MCTP1: variants seen among roughly 807,000 people sequenced by gnomAD.
MCTP1 encodes multiple C2 and transmembrane domain-containing protein 1.
In MCTP1, 69 loss-of-function variants were observed where a neutral mutation model predicts 120.6. The observed-to-expected ratio is 0.57, with a 90% confidence interval of 0.47 to 0.70. The LOEUF (loss-of-function observed/expected upper bound fraction) is 0.70. Ranked by LOEUF, MCTP1 falls within the 30% of genes least tolerant of loss-of-function variation. The pLI, the probability that MCTP1 is intolerant of heterozygous loss-of-function variation, is 0.00. For synonymous variants in MCTP1, 529 were observed against 493.1 expected (o/e 1.07, Z -0.96); for missense variants, 1,203 against 1,248.8 (o/e 0.96, Z 0.55).
At position 95,265,718 on chromosome 5, in the gene MCTP1, C is replaced by T. The variant is rs142653768; in HGVS notation, c.720+18138G>A. On this transcript the variant is annotated intron_variant, in intron 1 of 22. Transcript: ENST00000515393. ...TTTTATTTACTTAAAAGTGGAATGT[C>T]TGTGCTACCTGGTAGTGACATTTAT... is the stretch of plus-strand genomic sequence containing the variant. Among the ~76,000 whole-genome samples, 959 of 152,326 alleles carry T rather than the reference C, an allele frequency of 6.3e-3. 5 individuals are homozygous for T. Among genetic ancestry groups the T allele is most frequent in the Non-Finnish European group, 0.011 (716 of 68,038 alleles).
intron 2 of MCTP1, among the ~76,000 whole-genome samples, chr5:94,973,971 T>TTTACATAATGACCTTA (rs1181319334): frequency 1.3e-5 from 2 of 152,096 alleles, no homozygotes; most frequent in Admixed American, 1.3e-4. Context: ...CTTAAGGTCA[T>TTTACATAATGACCTTA]TGTGAGGGTT....
chr5:94,920,634 C>A (rs1292535765), intron 7 of MCTP1, among the ~76,000 whole-genome samples: 1 of 151,644 alleles, frequency 6.6e-6, no homozygotes, highest in Non-Finnish European at 1.5e-5. Flanking sequence ...CCCAGCTACT[C>A]GGGAGGCTGA....
chr5:94,969,303 C>A (rs1320966032), intron 2 of MCTP1, among the ~76,000 whole-genome samples: 8 of 152,032 alleles, frequency 5.3e-5, no homozygotes, highest in Admixed American at 2.6e-4. Flanking sequence ...TGAATGTGTC[C>A]ATTTTTATGT....
intron 1 of MCTP1, among the ~76,000 whole-genome samples, chr5:95,272,791 G>A (rs775713035): frequency 2.6e-5 from 4 of 152,212 alleles, no homozygotes; most frequent in Non-Finnish European, 4.4e-5. Context: ...CAGCCTGAGT[G>A]TAGAACATTT....
At chr5:94,739,165 T>C (rs200695258) in intron 19 of MCTP1, 4 of 152,342 alleles carry the variant, frequency 2.6e-5, no homozygotes, top group East Asian at 3.9e-4. Context: ...TATTTGCAGG[T>C]TGGTTGTGAT....
At chr5:95,095,959 G>C (rs1421835417) in intron 1 of MCTP1, among the ~76,000 whole-genome samples, 1 of 152,162 alleles carries the variant, frequency 6.6e-6, no homozygotes, top group African/African-American at 2.4e-5. Context: ...AGACCTCCAA[G>C]GAGATGGCTG....
chr5:95,225,990 T>C (rs553202138), intron 1 of MCTP1, among the ~76,000 whole-genome samples: 1 of 152,276 alleles, frequency 6.6e-6, no homozygotes, highest in African/African-American at 2.4e-5. Context: ...AAGTATATCA[T>C]CTCTAATTTT....
chr5:94,886,049 G>GA (rs1367051899), intron 12 of MCTP1, among the ~76,000 whole-genome samples: 2 of 152,090 alleles, frequency 1.3e-5, no homozygotes, highest in African/African-American at 2.4e-5. Flanking sequence ...TGAGACCGAA[G>GA]AAAAAACTAC....
chr5:94,993,013 T>C (rs1332413132), intron 2 of MCTP1, among the ~76,000 whole-genome samples: 2 of 152,236 alleles, frequency 1.3e-5, no homozygotes, highest in African/African-American at 4.8e-5. Context: ...ATTTTAGTTA[T>C]TCTTATAACT....
intron 17 of MCTP1, among the ~76,000 whole-genome samples, chr5:94,852,059 A>G (rs1336050664): frequency 1.3e-5 from 2 of 151,906 alleles, no homozygotes; most frequent in African/African-American, 4.8e-5. Flanking sequence ...TAAATTGTTC[A>G]GCCAAAATTT....
chr5:95,077,136 G>C (rs1458007861), intron 1 of MCTP1, among the ~76,000 whole-genome samples: 1 of 152,122 alleles, frequency 6.6e-6, no homozygotes, highest in Non-Finnish European at 1.5e-5. Flanking sequence ...ATATTGTGGG[G>C]AAGAAAGCTC....
intron 1 of MCTP1, among the ~76,000 whole-genome samples, chr5:95,115,935 T>G (rs1757796741): frequency 6.6e-6 from 1 of 152,080 alleles, no homozygotes; most frequent in Admixed American, 6.5e-5. Flanking sequence ...GTCATCAGAC[T>G]TTTCAGTGCA....
Position 94,849,564 on chromosome 5 carries a change from G to A in MCTP1, c.2436+18769C>T, listed in dbSNP as rs191653253. Among the ~76,000 whole-genome samples, 16 of 152,174 alleles carry A rather than the reference G, an allele frequency of 1.1e-4. No homozygotes were observed. In the East Asian group the frequency reaches 3.1e-3, roughly 29 times the overall value. On this transcript the variant is annotated intron_variant, in intron 17 of 22. Transcript: ENST00000515393. ...GGGGGCAGGTAGTAAGCAATTTAGCGTCCCAATCTAGAGCAGTGCCTGGCA... is the reference window on the plus strand; with the variant it reads ...GGGGGCAGGTAGTAAGCAATTTAGCATCCCAATCTAGAGCAGTGCCTGGCA...
intron 17 of MCTP1, among the ~76,000 whole-genome samples, chr5:94,845,090 G>A (rs1371379428): frequency 6.6e-6 from 1 of 152,128 alleles, no homozygotes; most frequent in East Asian, 1.9e-4. Context: ...ACAAAAGATC[G>A]AATATCCAGA....
intron 10 of MCTP1, among the ~76,000 whole-genome samples, chr5:94,902,168 C>T (rs555255781): frequency 1.3e-5 from 2 of 152,176 alleles, no homozygotes; most frequent in East Asian, 1.9e-4. Context: ...AAGATCCCAC[C>T]AAAGGAACTG....
chr5:94,889,072 T>G, intron 11 of MCTP1, 100 bp from the exon 12 acceptor site: 2 of 749,250 alleles, frequency 2.7e-6, no homozygotes, highest in African/African-American at 3.5e-5. Flanking sequence ...CTTCAGACTC[T>G]GGGGGTAAGA....
chr5:94,932,266 CTG>C lies in MCTP1; in HGVS notation c.1174-277_1174-276del, dbSNP rs759578279. On this transcript the variant is annotated intron_variant, in intron 5 of 22. Transcript: ENST00000515393. ...AACAGTATCGGGATGCCTTTATTGA[CTG>C]AAAAAAAACACATTGAGTCTCATAA... Among the ~76,000 whole-genome samples the C allele has an allele frequency of 1.2e-3, 166 of 138,822 alleles. 1 individual carries two copies. The highest frequency in any genetic ancestry group is 3.2e-3 in the Admixed American group (44 of 13,942). The allele number at this position is 138,822 out of a possible 152,430, so 91.1% of individuals were successfully genotyped here. A position where few individuals can be genotyped will look rare whatever the true frequency, so the allele number is the denominator to read the frequency against.
chr5:94,850,636 A>G (rs907746897), intron 17 of MCTP1, among the ~76,000 whole-genome samples: 1 of 152,142 alleles, frequency 6.6e-6, no homozygotes, highest in African/African-American at 2.4e-5. Context: ...TAAAACTACA[A>G]TCTAGTTTCA....
At chr5:95,154,072 C>T (rs1325559816) in intron 1 of MCTP1, among the ~76,000 whole-genome samples, 3 of 152,152 alleles carry the variant, frequency 2.0e-5, no homozygotes, top group East Asian at 1.9e-4. Flanking sequence ...TATCTACTTA[C>T]AATCTGATAG....
Sources: allele counts gnomAD v4.1 joint callset (sites outside exome capture counted in the v4.1 genomes callset), GRCh38; gene constraint gnomAD v4.1.1; transcripts MANE v1.5; gene names NCBI Gene and HGNC (gene_info 2026-07-23, HGNC 2026-07-21).